Variants in PCDHGB3 observed in about 807,000 individuals in gnomAD.
PCDHGB3 encodes the protein protocadherin gamma-B3.
PCDHGB3 carries 40 observed loss-of-function variants against 59.2 expected under a neutral mutation model. The ratio of observed to expected loss-of-function variants is 0.68; its 90% CI spans 0.52 to 0.88. The LOEUF is 0.88. Ranked by LOEUF, PCDHGB3 falls within the 40% of genes least tolerant of loss-of-function variation. The pLI is 0.00. For synonymous variants in PCDHGB3, 581 were observed against 503.6 expected, an observed-to-expected ratio of 1.15 and a Z score of -2.06; for missense variants, 1,309 against 1,187.9, an observed-to-expected ratio of 1.10 and a Z score of -1.50.
chr5:141,393,055 G>A (rs1225924697), intron 1 of PCDHGB3: 1 of 1,613,678 alleles, frequency 6.2e-7, no homozygotes, highest in South Asian at 1.1e-5. Flanking sequence ...AACCCGCGCA[G>A]CGGCAGCTTG....
In PCDHGB3 at chr5:141,371,335, G is replaced by T. The variant is rs374653658; in HGVS notation, c.941G>T (p.Ser314Ile). 25 of 1,613,822 alleles carry T rather than the reference G, an allele frequency of 1.5e-5. No individual in the cohort carries two copies. In the African/African-American group the frequency reaches 3.2e-4, roughly 21 times the overall value. The part of the protein sequence containing the change: ...IGELDFEERD[S>I]YTIGVEAKDG... The stretch of plus-strand genomic sequence containing the variant: ...GAACTGGACTTTGAAGAGAGAGATA[G>T]CTACACAATTGGGGTGGAAGCAAAG... Residue 314 changes from serine to isoleucine, a missense_variant, in exon 1 of 4, where the codon AGC becomes ATC. Coordinates refer to ENST00000576222, the MANE Select transcript of PCDHGB3 (RefSeq NM_018924.5).
intron 1 of PCDHGB3, chr5:141,398,860 G>C: frequency 6.2e-7 from 1 of 1,614,010 alleles, no homozygotes; most frequent in South Asian, 1.1e-5. Flanking sequence ...ATTCAACCGA[G>C]ACGTGTACAG....
rs909444391 is a variant in PCDHGB3 at position 141,450,834 on chromosome 5, T to A, written c.2416-43973T>A. On this transcript the variant is annotated intron_variant, in intron 1 of 3. Transcript: ENST00000576222. ...TATTTAATATTATTATTATTATTTT[T>A]TTTTTTTTGAGATGGGGTCTTGCTC... is the stretch of plus-strand genomic sequence containing the variant. 1.2e-3 allele frequency among the ~76,000 whole-genome samples: 172 copies of A among 148,764 alleles called. 3 individuals are homozygous for A. The highest frequency in any genetic ancestry group is 4.1e-3 in the African/African-American group (166 of 40,236).
chr5:141,511,115 A>G lies in PCDHGB3; in HGVS notation c.2732A>G (p.Lys911Arg). 6.2e-7 allele frequency: 1 copy of G among 1,614,214 alleles called. No individual in the cohort carries two copies. Among genetic ancestry groups the G allele is most frequent in the Non-Finnish European group, 8.5e-7 (1 of 1,180,006 alleles). ...AACGCAGCTGGCAAGCGGGATGGCA[A>G]GGCCCCAGCAGGTGGCAATGGCAAC... Reference protein sequence around the residue: ...LTNAAGKRDGKAPAGGNGNKK... With the variant: ...LTNAAGKRDGRAPAGGNGNKK... Residue 911 changes from lysine (K) to arginine (R), a missense_variant, in exon 4 of 4, where the codon AAG becomes AGG. Coordinates refer to ENST00000576222, the MANE Select transcript of PCDHGB3 (RefSeq NM_018924.5).
chr5:141,496,589 G>A (rs914585858), intron 2 of PCDHGB3, among the ~76,000 whole-genome samples: 7 of 152,124 alleles, frequency 4.6e-5, no homozygotes, highest in Admixed American at 6.5e-5. Flanking sequence ...AACGCAAAGC[G>A]CTTCTTAGAA....
At chr5:141,450,556 G>T (rs534127421) in intron 1 of PCDHGB3, among the ~76,000 whole-genome samples, 1 of 151,940 alleles carries the variant, frequency 6.6e-6, no homozygotes, top group African/African-American at 2.4e-5. Flanking sequence ...GCGCAGTCTC[G>T]GCTCACTGCA....
At chr5:141,474,241 G>A (rs1367530484) in intron 1 of PCDHGB3, among the ~76,000 whole-genome samples, 8 of 151,928 alleles carry the variant, frequency 5.3e-5, no homozygotes, top group East Asian at 1.9e-4. Context: ...TGCTGAATAG[G>A]GGAAAAAAAG....
chr5:141,465,697 T>C (rs1386528821), intron 1 of PCDHGB3, among the ~76,000 whole-genome samples: 2 of 152,200 alleles, frequency 1.3e-5, no homozygotes, highest in African/African-American at 4.8e-5. Context: ...TGCTTTTGCA[T>C]TGGTCAAATG....
chr5:141,375,244 G>T (rs527726605), intron 1 of PCDHGB3: 4 of 1,613,892 alleles, frequency 2.5e-6, no homozygotes, highest in Non-Finnish European at 3.4e-6. Context: ...GTTCCATCCC[G>T]AGAAGTCTCC....
chr5:141,375,770 C>T, intron 1 of PCDHGB3: 1 of 1,614,268 alleles, frequency 6.2e-7, no homozygotes, highest in East Asian at 2.2e-5. Flanking sequence ...GCCCGAGATC[C>T]TGTACCCCGC....
At chr5:141,458,130 C>A (rs1441742986) in intron 1 of PCDHGB3, among the ~76,000 whole-genome samples, 2 of 152,248 alleles carry the variant, frequency 1.3e-5, no homozygotes, top group African/African-American at 4.8e-5. Flanking sequence ...AGGAACCAGG[C>A]AGAGAAAAAT....
At chr5:141,460,159 T>A (rs1313260289) in intron 1 of PCDHGB3, among the ~76,000 whole-genome samples, 3 of 152,260 alleles carry the variant, frequency 2.0e-5, no homozygotes, top group Non-Finnish European at 1.5e-5. Context: ...CTTTGTCACA[T>A]ACATATTTTG....
intron 1 of PCDHGB3, chr5:141,379,157 G>A (rs962500873): frequency 1.3e-5 from 2 of 152,168 alleles, no homozygotes; most frequent in Non-Finnish European, 2.9e-5. Flanking sequence ...ACCTGACTTT[G>A]TCAGTCTTCT....
At chr5:141,409,030 GAT>G in intron 1 of PCDHGB3, 1 of 1,614,010 alleles carries the variant, frequency 6.2e-7, no homozygotes, top group Non-Finnish European at 8.5e-7. Context: ...TCAATGCTGA[GAT>G]AAACTACTAC....
intron 1 of PCDHGB3, chr5:141,376,543 T>C: frequency 1.2e-6 from 2 of 1,613,014 alleles, no homozygotes. Flanking sequence ...AAGAGTAATC[T>C]GATCTTCCCG....
At chr5:141,430,220 G>A (rs1216694883) in intron 1 of PCDHGB3, among the ~76,000 whole-genome samples, 1 of 148,674 alleles carries the variant, frequency 6.7e-6, no homozygotes, top group Non-Finnish European at 1.5e-5. Flanking sequence ...TATATTATAT[G>A]ATTTGTCAAA....
intron 2 of PCDHGB3, among the ~76,000 whole-genome samples, chr5:141,502,239 A>G (rs2099813426): frequency 6.6e-6 from 1 of 152,148 alleles, no homozygotes; most frequent in Admixed American, 6.5e-5. Flanking sequence ...GTGTTCTTTT[A>G]TCCTTTTTTT....
At chr5:141,483,753 G>A (rs1316976446) in intron 1 of PCDHGB3, among the ~76,000 whole-genome samples, 1 of 152,082 alleles carries the variant, frequency 6.6e-6, no homozygotes, top group Non-Finnish European at 1.5e-5. Flanking sequence ...CCTGAGGATC[G>A]AGGCTTGGAA....
chr5:141,466,809 CA>C (rs1454424644), intron 1 of PCDHGB3, among the ~76,000 whole-genome samples: 1 of 152,102 alleles, frequency 6.6e-6, no homozygotes, highest in Non-Finnish European at 1.5e-5. Flanking sequence ...CCTATTCAGA[CA>C]TGGTATAACA....
Sources: allele counts gnomAD v4.1 joint callset (sites outside exome capture counted in the v4.1 genomes callset), GRCh38; gene constraint gnomAD v4.1.1; transcripts MANE v1.5; gene names NCBI Gene and HGNC (gene_info 2026-07-23, HGNC 2026-07-21).